PRTG: variants seen among roughly 807,000 people sequenced by gnomAD.
The protein encoded by PRTG is protogenin.
A neutral mutation model predicts 122.5 loss-of-function variants in PRTG; 67 were observed. That is an observed-to-expected ratio of 0.55 (90% CI 0.45 to 0.67). PRTG has a LOEUF of 0.67. Among genes scored for constraint, PRTG ranks in the 30% least tolerant of loss-of-function variants. The probability of loss-of-function intolerance (pLI) is 0.00; values close to 1 mark genes in which losing one functional copy is unlikely to be tolerated. For missense variants in PRTG, 1,435 were observed against 1,415.4 expected, an observed-to-expected ratio of 1.01 and a Z score of -0.22; for synonymous variants, 554 against 501.1, an observed-to-expected ratio of 1.11 and a Z score of -1.41.
intron 11 of PRTG, among the ~76,000 whole-genome samples, chr15:55,667,945 G>A (rs2059447989): frequency 6.6e-6 from 1 of 152,058 alleles, no homozygotes; most frequent in African/African-American, 2.4e-5. Context: ...AAATTAGCCC[G>A]GCGTGGTGGC....
chr15:55,665,909 A>T (rs542320719), intron 11 of PRTG, among the ~76,000 whole-genome samples: 2 of 152,212 alleles, frequency 1.3e-5, no homozygotes, highest in African/African-American at 2.4e-5. Context: ...CGTCAAAATT[A>T]TATGAAATTC....
intron 2 of PRTG, among the ~76,000 whole-genome samples, chr15:55,685,862 T>C (rs1567099530): frequency 6.6e-6 from 1 of 152,204 alleles, no homozygotes; most frequent in Non-Finnish European, 1.5e-5. Flanking sequence ...CATGAATCTA[T>C]GTTGCTGATC....
At chr15:55,700,351 G>A (rs916560357) in intron 2 of PRTG, among the ~76,000 whole-genome samples, 1 of 152,178 alleles carries the variant, frequency 6.6e-6, no homozygotes, top group East Asian at 1.9e-4. Flanking sequence ...AATGTGAAAT[G>A]TAAAAGTGTA....
intron 18 of PRTG, among the ~76,000 whole-genome samples, chr15:55,623,640 G>A (rs2059178699): frequency 6.6e-6 from 1 of 152,196 alleles, no homozygotes; most frequent in Admixed American, 6.5e-5. Flanking sequence ...GCCTGGGTGG[G>A]ACTGTTTGCT....
intron 7 of PRTG, 82 bp downstream of exon 7, chr15:55,679,204 G>T: frequency 1.2e-6 from 1 of 844,998 alleles, no homozygotes; most frequent in Non-Finnish European, 1.8e-6. Flanking sequence ...TTAGGTATTT[G>T]ATATTATTAT....
chr15:55,691,636 G>GT (rs1160732828), intron 2 of PRTG, among the ~76,000 whole-genome samples: 2 of 150,094 alleles, frequency 1.3e-5, no homozygotes, highest in Admixed American at 6.6e-5. Flanking sequence ...AGCCGAGATC[G>GT]TGCCACTGTA....
At chr15:55,728,335 C>A (rs1257282714) in intron 2 of PRTG, among the ~76,000 whole-genome samples, 3 of 152,162 alleles carry the variant, frequency 2.0e-5, no homozygotes, top group African/African-American at 7.2e-5. Context: ...AAATTATCTT[C>A]TATGAATATG....
Position 55,732,909 on chromosome 15 carries a change from C to T in PRTG, c.397+7473G>A, listed in dbSNP as rs188493453. 1.2e-4 allele frequency among the ~76,000 whole-genome samples: 18 copies of T among 152,236 alleles called. No individual in the cohort carries two copies. In the East Asian group the frequency reaches 2.3e-3, roughly 20 times the overall value. The stretch of plus-strand genomic sequence containing the variant: ...ACACATTTTAAAAAAATATATACAA[C>T]GCTTAAAAATAGTAAATGGTGGCTG... On this transcript the variant is annotated intron_variant, in intron 2 of 19. Transcript: ENST00000389286.
At chr15:55,683,221 T>C (rs2059550927) in intron 3 of PRTG, among the ~76,000 whole-genome samples, 1 of 152,104 alleles carries the variant, frequency 6.6e-6, no homozygotes, top group Admixed American at 6.5e-5. Context: ...CATGAATAAC[T>C]TATTCCATCT....
At chr15:55,702,513 C>CATATAGTATAA (rs1213428124) in intron 2 of PRTG, among the ~76,000 whole-genome samples, 1 of 152,122 alleles carries the variant, frequency 6.6e-6, no homozygotes, top group Non-Finnish European at 1.5e-5. Context: ...TCATCTAGAG[C>CATATAGTATAA]ATATAGTATA....
intron 15 of PRTG, among the ~76,000 whole-genome samples, chr15:55,634,997 A>G (rs1360835725): frequency 6.6e-6 from 1 of 152,070 alleles, no homozygotes; most frequent in African/African-American, 2.4e-5. Flanking sequence ...TGAAGCAAGC[A>G]GAGGCTTGTG....
At chr15:55,659,476 C>A (rs1283653116) in intron 11 of PRTG, among the ~76,000 whole-genome samples, 1 of 152,100 alleles carries the variant, frequency 6.6e-6, no homozygotes, top group African/African-American at 2.4e-5. Context: ...CTACCCAGAC[C>A]CCCACCCTCA....
intron 3 of PRTG, 87 bp downstream of exon 3, chr15:55,683,700 G>T: frequency 9.5e-7 from 1 of 1,055,990 alleles, no homozygotes; most frequent in Non-Finnish European, 1.4e-6. Context: ...TAAAAATGAG[G>T]CCTATAATGG....
rs189794660 is a variant in PRTG at position 55,720,413 on chromosome 15, T to C, written c.397+19969A>G. 3.5e-3 allele frequency among the ~76,000 whole-genome samples: 532 copies of C among 152,306 alleles called. 1 individual carries two copies. Among genetic ancestry groups the C allele is most frequent in the African/African-American group, 0.012 (505 of 41,576 alleles). On this transcript the variant is annotated intron_variant, in intron 2 of 19. Transcript: ENST00000389286. ...CATAAAAAAAAAACTATGGCTGTTT[T>C]CTTTCTAAGGAAACTGCTTTAAGAC...
Position 55,635,730 on chromosome 15 carries a change from C to T in PRTG, c.2623+1440G>A, listed in dbSNP as rs191110215. On this transcript the variant is annotated intron_variant, in intron 15 of 19. Transcript: ENST00000389286. ...AAGTCATCATCTGCTTATTTTAAAA[C>T]TCATAAGAGTTTTATATTACATGAA... is the stretch of plus-strand genomic sequence containing the variant. Among the ~76,000 whole-genome samples the T allele has an allele frequency of 3.3e-5, 5 of 152,258 alleles. No homozygotes were observed. The East Asian group carries it at 9.6e-4, about 29-fold the overall frequency.
intron 11 of PRTG, among the ~76,000 whole-genome samples, chr15:55,652,670 G>A (rs895345602): frequency 2.0e-5 from 3 of 152,192 alleles, no homozygotes; most frequent in African/African-American, 7.2e-5. Context: ...AAAACGCTAA[G>A]GGGGATGGGT....
At chr15:55,714,071 G>A (rs1455598696) in intron 2 of PRTG, among the ~76,000 whole-genome samples, 1 of 152,076 alleles carries the variant, frequency 6.6e-6, no homozygotes, top group African/African-American at 2.4e-5. Flanking sequence ...TCATTTTCAA[G>A]CTAGGTTTAG....
intron 15 of PRTG, among the ~76,000 whole-genome samples, chr15:55,635,104 T>TGTGTGTGTGTGTGTGTGTG (rs773250114): frequency 8.9e-6 from 1 of 112,630 alleles, no homozygotes; most frequent in Non-Finnish European, 1.8e-5. Context: ...TGTGTGTGTG[T>TGTGTGTGTGTGTGTGTGTG]TTTTTGAGAC....
rs189072136 is a variant in PRTG, at chr15:55,696,276, G to A, written c.398-12345C>T. On this transcript the variant is annotated intron_variant, in intron 2 of 19. Transcript: ENST00000389286. ...ATCCTGTTTCTTAAAAAAAGAACACGGGGAAATTTCTAACACAACTCTCAA... is the reference window on the plus strand; with the variant it reads ...ATCCTGTTTCTTAAAAAAAGAACACAGGGAAATTTCTAACACAACTCTCAA... 9.9e-5 allele frequency among the ~76,000 whole-genome samples: 15 copies of A among 152,194 alleles called. No homozygotes were observed. The East Asian group carries it at 2.3e-3, about 23-fold the overall frequency.
Sources: allele counts gnomAD v4.1 joint callset (sites outside exome capture counted in the v4.1 genomes callset), GRCh38; gene constraint gnomAD v4.1.1; transcripts MANE v1.5; gene names NCBI Gene and HGNC (gene_info 2026-07-23, HGNC 2026-07-21).